Variants in DPCD observed in about 807,000 individuals in gnomAD.
DPCD encodes protein DPCD.
Under a neutral mutation model 26.4 loss-of-function variants are expected in DPCD, and 20 were observed. The observed-to-expected ratio is 0.76, with a 90% CI of 0.53 to 1.10. The LOEUF (loss-of-function observed/expected upper bound fraction) is 1.10, where lower values mean the gene tolerates loss of function less well. DPCD is among the 50% of genes least tolerant of loss of function. The pLI, the probability that DPCD is intolerant of heterozygous loss-of-function variation, is 0.00. For synonymous variants in DPCD, 97 were observed against 94.2 expected (o/e 1.03, Z -0.17); for missense variants, 202 against 253.9 (o/e 0.80, Z 1.39).
At chr10:101,598,509 A>G (rs1278819595) in intron 2 of DPCD, among the ~76,000 whole-genome samples, 1 of 151,346 alleles carries the variant, frequency 6.6e-6, no homozygotes, top group African/African-American at 2.4e-5. Context: ...GTAATTCTTC[A>G]TAGTCTGTTT....
At chr10:101,593,389 A>T (rs1240790205) in intron 1 of DPCD, among the ~76,000 whole-genome samples, 1 of 152,322 alleles carries the variant, frequency 6.6e-6, no homozygotes, top group South Asian at 2.1e-4. Flanking sequence ...TTGGACAGGA[A>T]AAAGGCACCT....
intron 4 of DPCD, among the ~76,000 whole-genome samples, chr10:101,604,879 A>C (rs1363877898): frequency 1.3e-5 from 2 of 152,222 alleles, no homozygotes; most frequent in African/African-American, 4.8e-5. Flanking sequence ...GGAAATTGGA[A>C]TCTGAGGAGA....
At position 101,601,919 on chromosome 10, in the gene DPCD, C is replaced by T. The variant is rs970015435; in HGVS notation, c.404+583C>T. On this transcript the variant is annotated intron_variant, in intron 4 of 5. Transcript: ENST00000370151. ...ATGCTTCAAAAGGGGTACTCAACTT[C>T]CCTTTGTGGTCCCCTAGAGGGGAGG... is the stretch of plus-strand genomic sequence containing the variant. Among the ~76,000 whole-genome samples the T allele has an allele frequency of 2.4e-4, 37 of 152,286 alleles. 1 individual carries two copies. Among genetic ancestry groups the T allele is most frequent in the African/African-American group, 6.7e-4 (28 of 41,574 alleles).
At chr10:101,604,802 T>G (rs925742729) in intron 4 of DPCD, among the ~76,000 whole-genome samples, 4 of 152,196 alleles carry the variant, frequency 2.6e-5, no homozygotes, top group African/African-American at 9.7e-5. Flanking sequence ...TTTGGGGAAT[T>G]TGATGAAATC....
At chr10:101,591,134 G>A (rs1244257467) in intron 1 of DPCD, among the ~76,000 whole-genome samples, 1 of 152,226 alleles carries the variant, frequency 6.6e-6, no homozygotes, top group African/African-American at 2.4e-5. Flanking sequence ...TATGGATATT[G>A]TAGCATGTGT....
chr10:101,605,680 AC>A (rs1433070047), intron 4 of DPCD, among the ~76,000 whole-genome samples: 1 of 152,078 alleles, frequency 6.6e-6, no homozygotes, highest in Non-Finnish European at 1.5e-5. Context: ...GAGTGTTCGG[AC>A]CCCAGGGGAG....
intron 2 of DPCD, among the ~76,000 whole-genome samples, chr10:101,599,238 G>A (rs1356080446): frequency 6.6e-6 from 1 of 152,128 alleles, no homozygotes; most frequent in Non-Finnish European, 1.5e-5. Context: ...GCTGCTGCTC[G>A]GAGGCATTTG....
In DPCD at chr10:101,609,500, C is replaced by A; in HGVS notation, c.*29C>A. 1 of 1,599,624 alleles carries A rather than the reference C, an allele frequency of 6.3e-7. No individual in the cohort carries two copies. The highest frequency in any genetic ancestry group is 8.6e-7 in the Non-Finnish European group (1 of 1,169,460). Reference sequence around the variant, plus strand: ...GCCCCTGAGCCTTATACCTCCACCACAGGGGGTGCCGTGAGACTTCAAGGC... The same window carrying A: ...GCCCCTGAGCCTTATACCTCCACCAAAGGGGGTGCCGTGAGACTTCAAGGC... On this transcript the variant is annotated 3_prime_UTR_variant, in exon 6 of 6. Coordinates refer to ENST00000370151, the MANE Select transcript of DPCD (RefSeq NM_015448.3).
Position 101,603,617 on chromosome 10 carries a change from C to T in DPCD, c.404+2281C>T, listed in dbSNP as rs1037004066. 2.2e-4 allele frequency among the ~76,000 whole-genome samples: 33 copies of T among 151,888 alleles called. No homozygotes were observed. The highest frequency in any genetic ancestry group is 7.7e-4 in the African/African-American group (32 of 41,364). On this transcript the variant is annotated intron_variant, in intron 4 of 5. Transcript: ENST00000370151. This position sits in a 1 kb window ranked among gnomAD's most constrained non-coding sequence, Gnocchi z 4.6. ...TCTAAAAATACAAAAATTAGCCAGGCGTGGTGGTGCATGCCTGTAGTCCCA... is the reference window on the plus strand; with the variant it reads ...TCTAAAAATACAAAAATTAGCCAGGTGTGGTGGTGCATGCCTGTAGTCCCA...
chr10:101,608,778 G>A (rs371246163), intron 4 of DPCD, 57 bp from the exon 5 acceptor site: 7 of 1,205,318 alleles, frequency 5.8e-6, no homozygotes, highest in Middle Eastern at 1.9e-4. Context: ...AGGGCCTGAC[G>A]CCTGGCTGTT....
chr10:101,594,669 G>T lies in DPCD; in HGVS notation c.76G>T (p.Val26Phe), dbSNP rs373585200. ...TALLQDGRRK[V>F]HYLFPDGKEM... ...TGTTTTGTGCATAGGGAGAAGGAAG[G>T]TTCACTATTTATTCCCAGACGGCAA... The change falls in exon 2 of 6, where the codon GTT becomes TTT. Residue 26 changes from valine to phenylalanine, a missense_variant. Transcript: ENST00000370151. 12 of 1,613,896 alleles carry T rather than the reference G, an allele frequency of 7.4e-6. No individual in the cohort carries two copies. The highest frequency in any genetic ancestry group is 6.7e-5 in the African/African-American group (5 of 74,920).
At chr10:101,608,696 C>G (rs1199026117) in intron 4 of DPCD, 139 bp from the exon 5 acceptor site, 2 of 616,584 alleles carry the variant, frequency 3.2e-6, no homozygotes, top group East Asian at 5.6e-5. Flanking sequence ...TACTGGTGTT[C>G]TAACTGGTTT....
At chr10:101,604,892 T>C (rs2063722842) in intron 4 of DPCD, among the ~76,000 whole-genome samples, 1 of 152,198 alleles carries the variant, frequency 6.6e-6, no homozygotes, top group Non-Finnish European at 1.5e-5. Flanking sequence ...TGAGGAGAGC[T>C]TGGCTGATTT....
intron 2 of DPCD, among the ~76,000 whole-genome samples, chr10:101,598,966 T>C (rs2063673497): frequency 6.6e-6 from 1 of 152,154 alleles, no homozygotes; most frequent in Non-Finnish European, 1.5e-5. Flanking sequence ...AAATCTGTGA[T>C]GGTTGTGTTC....
intron 1 of DPCD, among the ~76,000 whole-genome samples, chr10:101,590,531 G>A (rs1275866692): frequency 6.6e-6 from 1 of 151,302 alleles, no homozygotes; most frequent in Non-Finnish European, 1.5e-5. Flanking sequence ...ACATTGTTGT[G>A]CAACTATCAC....
chr10:101,609,293 A>T (rs1357975712), intron 5 of DPCD, 74 bp from the exon 6 acceptor site: 4 of 1,347,342 alleles, frequency 3.0e-6, no homozygotes, highest in Non-Finnish European at 4.2e-6. Context: ...CAGAAGGAGA[A>T]GGGGCCCCAA....
In DPCD at chr10:101,601,302, G is replaced by A; in HGVS notation, c.370G>A (p.Glu124Lys). The A allele has an allele frequency of 6.2e-7, 1 of 1,613,878 alleles. No homozygotes were observed. Among genetic ancestry groups the A allele is most frequent in the Non-Finnish European group, 8.5e-7 (1 of 1,179,926 alleles). The stretch of plus-strand genomic sequence containing the variant: ...CTATAGTGTCTCTGTGGACCAGAAG[G>A]AGCGCTGCATCATTGTCAGAACAAC... ...DVYSVSVDQK[E>K]RCIIVRTTNK... Residue 124 changes from glutamate to lysine, a missense_variant, in exon 4 of 6, where the codon GAG becomes AAG. Physicochemically the swap from Glu to Lys is moderately conservative, Grantham distance 56. Around this residue, in one of 3 missense-constraint regions of DPCD, gnomAD observed 118 missense variants for 145.1 expected, o/e 0.81. Coordinates refer to ENST00000370151, the MANE Select transcript of DPCD (RefSeq NM_015448.3).
At chr10:101,609,060 A>G (rs941216056) in intron 5 of DPCD, 123 bp downstream of exon 5, 6 of 845,144 alleles carry the variant, frequency 7.1e-6, no homozygotes, top group Non-Finnish European at 1.2e-5. Context: ...CTTGTGGGAG[A>G]ATAGGCATCT....
intron 1 of DPCD, among the ~76,000 whole-genome samples, chr10:101,590,285 A>C (rs1236320787): frequency 1.3e-5 from 2 of 152,120 alleles, no homozygotes. Context: ...CCAGGATGGA[A>C]GCGAGAATAA....
Sources: gnomAD v4.1 joint callset for allele counts (sites outside exome capture counted in the v4.1 genomes callset) on GRCh38, gnomAD v4.1.1 for gene constraint, gnomAD v4.1.1 regional missense constraint, Gnocchi (gnomAD v3.1) non-coding constraint, MANE v1.5 for transcripts, NCBI Gene and HGNC (gene_info 2026-07-23, HGNC 2026-07-21) for gene names.